The following CFAP20DC variants were observed in gnomAD, a reference collection of about 807,000 sequenced individuals.
CFAP20DC encodes CFAP20 domain containing, also known as protein CFAP20DC.
Under a neutral mutation model 101.7 loss-of-function variants are expected in CFAP20DC, and 84 were observed. That is an observed-to-expected ratio of 0.83 (90% confidence interval 0.69 to 0.99). CFAP20DC has a LOEUF of 0.99. Among genes scored for constraint, CFAP20DC ranks in the 50% least tolerant of loss-of-function variants. The pLI, the probability that CFAP20DC is intolerant of heterozygous loss-of-function variation, is 0.00. For missense variants in CFAP20DC, 1,007 were observed against 970.3 expected (o/e 1.04, Z -0.50); for synonymous variants, 359 against 351.2 (o/e 1.02, Z -0.25).
chr3:59,024,741 TA>T (rs2093862577), intron 4 of CFAP20DC, among the ~76,000 whole-genome samples: 1 of 152,162 alleles, frequency 6.6e-6, no homozygotes, highest in Admixed American at 6.5e-5. Flanking sequence ...AATGACTTCA[TA>T]AGATTCCATG....
At position 58,884,608 on chromosome 3, in the gene CFAP20DC, T is replaced by C. The variant is rs538404224; in HGVS notation, c.652A>G (p.Met218Val). Residue 218 changes from methionine (M) to valine (V), a missense_variant, in exon 7 of 17, where the codon ATG becomes GTG. Coordinates refer to ENST00000482387, the MANE Select transcript of CFAP20DC (RefSeq NM_001394063.1). The part of the protein sequence containing the change: ...DVPHVTQLLN[M>V]TKLRQTEIKF... The stretch of plus-strand genomic sequence containing the variant: ...ATTTCAGTTTGGCGAAGTTTAGTCA[T>C]GTTTAGCAGCTGTGTGACATGTGGA... 16 of 1,614,074 alleles carry C rather than the reference T, an allele frequency of 9.9e-6. No homozygotes were observed. The highest frequency in any genetic ancestry group is 1.7e-5 in the Admixed American group (1 of 60,022).
intron 3 of CFAP20DC, among the ~76,000 whole-genome samples, chr3:58,731,371 T>G (rs769902261): frequency 5.9e-5 from 9 of 152,210 alleles, no homozygotes; most frequent in Non-Finnish European, 7.3e-5. Flanking sequence ...ATGCTTCGAG[T>G]CCTGTTAAAC....
At chr3:58,893,467 T>G (rs374910771) in intron 6 of CFAP20DC, among the ~76,000 whole-genome samples, 2 of 152,354 alleles carry the variant, frequency 1.3e-5, no homozygotes, top group African/African-American at 4.8e-5. Context: ...TGAACTAACC[T>G]TGCATACTGG....
chr3:58,760,848 C>A (rs999624518), intron 15 of CFAP20DC, among the ~76,000 whole-genome samples: 2 of 152,224 alleles, frequency 1.3e-5, no homozygotes, highest in Admixed American at 6.5e-5. Context: ...TATTTATTTG[C>A]GTATGTTGAA....
chr3:58,972,848 T>C (rs1278736896), intron 4 of CFAP20DC, among the ~76,000 whole-genome samples: 2 of 152,206 alleles, frequency 1.3e-5, no homozygotes, highest in Non-Finnish European at 2.9e-5. Flanking sequence ...GCACAGTCTA[T>C]TAGTCTTTTA....
At chr3:58,918,521 T>A (rs2084981396) in intron 5 of CFAP20DC, among the ~76,000 whole-genome samples, 1 of 152,212 alleles carries the variant, frequency 6.6e-6, no homozygotes, top group African/African-American at 2.4e-5. Context: ...TCTCCTCTAT[T>A]CTGAATCCAC....
rs1412165634 is a variant in CFAP20DC, at chr3:58,869,145, T to C, written c.1015+183A>G. ...TGAAATAATGGAGAAAACAGAATGATAGATTTCAGAAGCTAATATAAGAAT... is the reference window on the plus strand; with the variant it reads ...TGAAATAATGGAGAAAACAGAATGACAGATTTCAGAAGCTAATATAAGAAT... On this transcript the variant is annotated intron_variant, in intron 9 of 16. Coordinates refer to ENST00000482387, the MANE Select transcript of CFAP20DC (RefSeq NM_001394063.1). This position sits in a 1 kb window ranked among gnomAD's most constrained non-coding sequence, Gnocchi z 4.3. Among the ~76,000 whole-genome samples the C allele has an allele frequency of 6.6e-6, 1 of 152,226 alleles. No homozygotes were observed. Among genetic ancestry groups the C allele is most frequent in the African/African-American group, 2.4e-5 (1 of 41,466 alleles).
intron 14 of CFAP20DC, among the ~76,000 whole-genome samples, chr3:58,808,419 T>G (rs1575701455): frequency 6.6e-6 from 1 of 152,296 alleles, no homozygotes. Context: ...TCAACATTCT[T>G]AAAGAAAAGA....
Position 58,925,131 on chromosome 3 carries a change from A to AT in CFAP20DC, c.394-11268dup, listed in dbSNP as rs201043293. On this transcript the variant is annotated intron_variant, in intron 5 of 16. Coordinates refer to ENST00000482387, the MANE Select transcript of CFAP20DC (RefSeq NM_001394063.1). ...TGTCTGGGTCTGTTTCTAGTCCCTG[A>AT]TTTTTTTTTCTGCTAGTTATGGGGT... Among the ~76,000 whole-genome samples, 360 of 150,478 alleles carry AT rather than the reference A, an allele frequency of 2.4e-3. 4 individuals carry two copies. The highest frequency in any genetic ancestry group is 8.1e-3 in the African/African-American group (331 of 41,034).
At chr3:58,934,168 T>G (rs1409970239) in intron 5 of CFAP20DC, among the ~76,000 whole-genome samples, 3 of 151,938 alleles carry the variant, frequency 2.0e-5, no homozygotes, top group African/African-American at 7.3e-5. Flanking sequence ...ACTAGAAAAT[T>G]TAGAAGTAAT....
chr3:58,891,096 T>C lies in CFAP20DC; in HGVS notation c.551-6387A>G, dbSNP rs1180665373. ...GGCGGCTGGGAGGTGTAGGTTGTAG[T>C]GAGCCGAGATCACGCCACTGCACTC... On this transcript the variant is annotated intron_variant, in intron 6 of 16. Coordinates refer to ENST00000482387, the MANE Select transcript of CFAP20DC (RefSeq NM_001394063.1). 8.4e-3 allele frequency among the ~76,000 whole-genome samples: 1,033 copies of C among 123,706 alleles called. 6 individuals carry two copies. Among genetic ancestry groups the C allele is most frequent in the Admixed American group, 0.011 (136 of 12,802 alleles). 81.2% of individuals were successfully genotyped at this position (123,706 alleles called of 152,430 possible).
intron 4 of CFAP20DC, among the ~76,000 whole-genome samples, chr3:59,003,901 G>T (rs1480492198): frequency 6.6e-6 from 1 of 152,154 alleles, no homozygotes; most frequent in Non-Finnish European, 1.5e-5. Flanking sequence ...ACTTGCTTTT[G>T]TTTAAACTAA....
intron 13 of CFAP20DC, among the ~76,000 whole-genome samples, chr3:58,832,482 G>T (rs2076466191): frequency 6.6e-6 from 1 of 151,398 alleles, no homozygotes; most frequent in Non-Finnish European, 1.5e-5. Context: ...TTTTAAATTT[G>T]CCATTTAAAA....
chr3:58,763,386 C>T (rs2069875144), intron 15 of CFAP20DC, among the ~76,000 whole-genome samples: 1 of 152,210 alleles, frequency 6.6e-6, no homozygotes, highest in African/African-American at 2.4e-5. Flanking sequence ...TTTTCAGCTC[C>T]ATCAGGTCCT....
chr3:58,919,362 A>G (rs1277656444), intron 5 of CFAP20DC, among the ~76,000 whole-genome samples: 1 of 152,166 alleles, frequency 6.6e-6, no homozygotes, highest in Non-Finnish European at 1.5e-5. Flanking sequence ...GGCTATTATG[A>G]ATAAAGCTGT....
chr3:58,798,312 A>T (rs1365888996), intron 15 of CFAP20DC, among the ~76,000 whole-genome samples: 1 of 152,168 alleles, frequency 6.6e-6, no homozygotes, highest in African/African-American at 2.4e-5. Flanking sequence ...TTTGGGAGAA[A>T]TCAGTTCCAA....
At chr3:58,890,364 C>T (rs1412404844) in intron 6 of CFAP20DC, among the ~76,000 whole-genome samples, 212 of 142,182 alleles carry the variant, frequency 1.5e-3, no homozygotes, top group Non-Finnish European at 2.4e-3. Flanking sequence ...AGGGGCTCCT[C>T]ACTTCCCAGT....
chr3:58,806,746 G>A (rs868482362), intron 14 of CFAP20DC, among the ~76,000 whole-genome samples: 2 of 152,236 alleles, frequency 1.3e-5, no homozygotes, highest in African/African-American at 2.4e-5. Flanking sequence ...CACCGTGTGC[G>A]AGCCGAAGCA....
intron 13 of CFAP20DC, among the ~76,000 whole-genome samples, chr3:58,842,676 C>T (rs1285624433): frequency 6.6e-6 from 1 of 152,236 alleles, no homozygotes; most frequent in African/African-American, 2.4e-5. Context: ...CTCAAGGAGG[C>T]CTGCCTGCCA....
Sources: gnomAD v4.1 joint callset for allele counts (sites outside exome capture counted in the v4.1 genomes callset) on GRCh38, gnomAD v4.1.1 for gene constraint, Gnocchi (gnomAD v3.1) non-coding constraint, MANE v1.5 for transcripts, NCBI Gene and HGNC (gene_info 2026-07-23, HGNC 2026-07-21) for gene names.